The following DGKI variants were observed in gnomAD, a reference collection of about 807,000 sequenced individuals.
The protein encoded by DGKI is DAG kinase iota.
DGKI carries 55 observed loss-of-function variants against 147.5 expected under a neutral mutation model. The ratio of observed to expected loss-of-function variants is 0.37; its 90% CI spans 0.30 to 0.47. The LOEUF is 0.47. Ranked by LOEUF, DGKI falls within the 20% of genes least tolerant of loss-of-function variation. The pLI is 1.00. For synonymous variants in DGKI, 469 were observed against 477.1 expected, an observed-to-expected ratio of 0.98 and a Z score of 0.22; for missense variants, 1,007 against 1,323.8, an observed-to-expected ratio of 0.76 and a Z score of 3.71.
intron 31 of DGKI, among the ~76,000 whole-genome samples, chr7:137,396,454 G>A (rs185748471): frequency 6.6e-6 from 1 of 152,346 alleles, no homozygotes; most frequent in East Asian, 1.9e-4. Context: ...AAGGCACCAA[G>A]ATGCTTAACG....
intron 6 of DGKI, among the ~76,000 whole-genome samples, chr7:137,640,645 C>T (rs1430359893): frequency 6.6e-6 from 1 of 152,166 alleles, no homozygotes; most frequent in Non-Finnish European, 1.5e-5. Flanking sequence ...AGGGGACATT[C>T]CTGAAAGGCC....
intron 1 of DGKI, among the ~76,000 whole-genome samples, chr7:137,836,720 T>C (rs1441798414): frequency 1.3e-5 from 2 of 152,202 alleles, no homozygotes; most frequent in South Asian, 2.1e-4. Flanking sequence ...AAAATTCATA[T>C]AGTTTTTACA....
At chr7:137,652,748 C>T (rs915679666) in intron 5 of DGKI, among the ~76,000 whole-genome samples, 2 of 152,216 alleles carry the variant, frequency 1.3e-5, no homozygotes, top group Non-Finnish European at 2.9e-5. Context: ...CACATGTTCT[C>T]CCAATCCTTT....
At chr7:137,398,655 CAG>C (rs1811640228) in intron 30 of DGKI, among the ~76,000 whole-genome samples, 1 of 152,096 alleles carries the variant, frequency 6.6e-6, no homozygotes, top group African/African-American at 2.4e-5. Context: ...GACAACATAA[CAG>C]AGATGTTATG....
chr7:137,529,166 T>A (rs1734791238), intron 20 of DGKI, among the ~76,000 whole-genome samples: 1 of 152,152 alleles, frequency 6.6e-6, no homozygotes, highest in East Asian at 1.9e-4. Flanking sequence ...TCCATGGAAA[T>A]TTGTAATAAA....
chr7:137,642,975 G>T (rs947944386), intron 6 of DGKI, among the ~76,000 whole-genome samples: 26 of 53,118 alleles, frequency 4.9e-4, no homozygotes, highest in Non-Finnish European at 6.5e-4. Flanking sequence ...TGTGTGTATG[G>T]GGGATGGAGT....
At chr7:137,685,823 A>G (rs1019583) in intron 2 of DGKI, among the ~76,000 whole-genome samples, 70,679 of 151,956 alleles carry the variant, frequency 0.47, 18,427 homozygotes, top group African/African-American at 0.71. Flanking sequence ...TAGGAAGGAA[A>G]TTTAAAGACA....
rs189291270 is a variant in DGKI at position 137,418,515 on chromosome 7, C to A, written c.2762-6308G>T. Among the ~76,000 whole-genome samples the A allele has an allele frequency of 5.9e-5, 9 of 152,248 alleles. No individual in the cohort carries two copies. The East Asian group carries it at 7.7e-4, about 13-fold the overall frequency. ...GGAATAAAAAGTATACAGAACTTGG[C>A]AAAGCCATATATATATGTTTGTGAT... is the stretch of plus-strand genomic sequence containing the variant. On this transcript the variant is annotated intron_variant, in intron 28 of 32. Transcript: ENST00000614521.
Position 137,397,256 on chromosome 7 carries a change from A to G in DGKI, c.2957+121T>C. 5.5e-6 allele frequency: 5 copies of G among 915,678 alleles called. 1 individual carries two copies. In the South Asian group the frequency reaches 7.2e-5, roughly 13 times the overall value. The allele number at this position is 915,678 out of a possible 1,614,324, so 56.7% of individuals were successfully genotyped here. ...CCCTGCACATTTATGAACAAAGTTG[A>G]AAGTGGACTTTGAATTAATTAAGTT... On this transcript the variant is annotated intron_variant, in intron 31 of 32. Transcript: ENST00000614521.
At chr7:137,428,968 C>G (rs1000064243) in intron 28 of DGKI, among the ~76,000 whole-genome samples, 5 of 151,990 alleles carry the variant, frequency 3.3e-5, no homozygotes, top group African/African-American at 1.2e-4. Flanking sequence ...GTGAAAATGG[C>G]CATACTGCCC....
chr7:137,698,957 C>T (rs1314785064), intron 1 of DGKI, among the ~76,000 whole-genome samples: 1 of 152,196 alleles, frequency 6.6e-6, no homozygotes, highest in Non-Finnish European at 1.5e-5. Context: ...GGACTAAATG[C>T]TGTCCATGAA....
chr7:137,627,341 A>C (rs1820978830), intron 6 of DGKI, among the ~76,000 whole-genome samples: 1 of 152,220 alleles, frequency 6.6e-6, no homozygotes, highest in African/African-American at 2.4e-5. Flanking sequence ...TGGAACTGTA[A>C]GTTCTTTGAA....
At chr7:137,551,968 A>C (rs1435821206) in intron 20 of DGKI, among the ~76,000 whole-genome samples, 1 of 152,170 alleles carries the variant, frequency 6.6e-6, no homozygotes, top group Non-Finnish European at 1.5e-5. Flanking sequence ...GTGACTGGAG[A>C]AACCAACACT....
chr7:137,553,018 T>C (rs1023059512), intron 19 of DGKI, among the ~76,000 whole-genome samples: 2 of 152,178 alleles, frequency 1.3e-5, no homozygotes, highest in African/African-American at 4.8e-5. Context: ...ACCACCACCA[T>C]AGTAGGAAAC....
At chr7:137,714,503 G>A (rs1035727672) in intron 1 of DGKI, among the ~76,000 whole-genome samples, 1 of 152,186 alleles carries the variant, frequency 6.6e-6, no homozygotes, top group African/African-American at 2.4e-5. Context: ...TGGAAGTGGA[G>A]AAGGGCAAGA....
At chr7:137,582,593 C>A (rs1819242739) in intron 14 of DGKI, among the ~76,000 whole-genome samples, 1 of 151,954 alleles carries the variant, frequency 6.6e-6, no homozygotes, top group Admixed American at 6.6e-5. Context: ...ATCTATCAAC[C>A]CTTATATCTT....
chr7:137,788,635 TACACAC>T (rs745381286), intron 1 of DGKI, among the ~76,000 whole-genome samples: 6 of 120,122 alleles, frequency 5.0e-5, no homozygotes, highest in South Asian at 2.7e-4. Flanking sequence ...AACCCATAAA[TACACAC>T]ACACACACAC....
intron 23 of DGKI, among the ~76,000 whole-genome samples, chr7:137,472,777 TAATA>T (rs1815031545): frequency 2.6e-5 from 4 of 152,048 alleles, no homozygotes; most frequent in Admixed American, 2.6e-4. Context: ...CTATGAAAGC[TAATA>T]AATAAAGAGA....
chr7:137,552,572 T>TA lies in DGKI; in HGVS notation c.1948-5dup. On this transcript the variant is annotated splice_polypyrimidine_tract_variant and splice_region_variant and intron_variant, in intron 19 of 32. Transcript: ENST00000614521. ...GGCCCCCAACTTGCAGGGCTGCCTA[T>TA]AAAAACAAGAGTCAAAGGGGAGCAA... The TA allele has an allele frequency of 6.2e-7, 1 of 1,613,744 alleles. No individual in the cohort carries two copies. The highest frequency in any genetic ancestry group is 1.3e-5 in the African/African-American group (1 of 74,986).
Sources: allele counts gnomAD v4.1 joint callset (sites outside exome capture counted in the v4.1 genomes callset), GRCh38; gene constraint gnomAD v4.1.1; transcripts MANE v1.5; gene names NCBI Gene and HGNC (gene_info 2026-07-23, HGNC 2026-07-21).